SUGCT: variants seen among roughly 807,000 people sequenced by gnomAD.
SUGCT encodes succinyl-CoA:glutarate CoA-transferase.
In SUGCT, 41 loss-of-function variants were observed where a neutral mutation model predicts 55.0. The observed-to-expected ratio is 0.74, with a 90% CI of 0.58 to 0.97. The LOEUF (loss-of-function observed/expected upper bound fraction) is 0.97. Ranked by LOEUF, SUGCT falls within the 50% of genes least tolerant of loss-of-function variation. The probability of loss-of-function intolerance (pLI) is 0.00; values close to 1 mark genes in which losing one functional copy is unlikely to be tolerated. For synonymous variants in SUGCT, 187 were observed against 200.4 expected, an observed-to-expected ratio of 0.93 and a Z score of 0.56; for missense variants, 568 against 547.8, an observed-to-expected ratio of 1.04 and a Z score of -0.37.
At chr7:40,565,716 T>C (rs1425012780) in intron 12 of SUGCT, among the ~76,000 whole-genome samples, 3 of 152,130 alleles carry the variant, frequency 2.0e-5, no homozygotes, top group African/African-American at 7.2e-5. Context: ...TCTATCTCTA[T>C]CCAACCTTCT....
intron 1 of SUGCT, among the ~76,000 whole-genome samples, chr7:40,139,074 C>T (rs1338962505): frequency 4.0e-5 from 6 of 151,034 alleles, no homozygotes; most frequent in East Asian, 3.9e-4. Context: ...AGGAGTGAGC[C>T]GAGATTGCCC....
At chr7:40,338,565 C>T (rs994498403) in intron 9 of SUGCT, among the ~76,000 whole-genome samples, 1 of 152,184 alleles carries the variant, frequency 6.6e-6, no homozygotes, top group Non-Finnish European at 1.5e-5. Context: ...GTGCATTCAT[C>T]ACCTAGTTCT....
intron 9 of SUGCT, among the ~76,000 whole-genome samples, chr7:40,440,959 A>T (rs1430147558): frequency 6.9e-6 from 1 of 143,936 alleles, no homozygotes; most frequent in Non-Finnish European, 1.5e-5. Context: ...TGCTGTCTTT[A>T]AAAAAAAAAA....
chr7:40,817,817 T>C (rs987100054), intron 13 of SUGCT, among the ~76,000 whole-genome samples: 2 of 152,070 alleles, frequency 1.3e-5, no homozygotes, highest in Non-Finnish European at 2.9e-5. Flanking sequence ...ATAGCTTCAT[T>C]AGTAGAAGGA....
chr7:40,923,681 A>G, the SUGCT span, among the ~76,000 whole-genome samples: 2 of 152,310 alleles, frequency 1.3e-5, no homozygotes, highest in South Asian at 4.1e-4. Flanking sequence ...TCTCTAGTCC[A>G]TCAATATTGC....
chr7:41,002,030 G>C, the SUGCT span, among the ~76,000 whole-genome samples: 1 of 151,958 alleles, frequency 6.6e-6, no homozygotes, highest in African/African-American at 2.4e-5. Flanking sequence ...ACTTTTTTTT[G>C]TTTGTTTATT....
chr7:40,220,378 A>G (rs531725462), intron 6 of SUGCT, among the ~76,000 whole-genome samples: 2 of 152,378 alleles, frequency 1.3e-5, no homozygotes, highest in South Asian at 2.1e-4. Context: ...AATTAAAAAC[A>G]TAAACCTGGC....
chr7:40,138,779 A>T (rs1229416266), intron 1 of SUGCT, among the ~76,000 whole-genome samples: 1 of 152,132 alleles, frequency 6.6e-6, no homozygotes, highest in Non-Finnish European at 1.5e-5. Flanking sequence ...TAAAAATTTT[A>T]CTCATGGCAG....
chr7:40,784,196 T>G (rs1584436302), intron 13 of SUGCT, among the ~76,000 whole-genome samples: 2 of 152,140 alleles, frequency 1.3e-5, no homozygotes. Context: ...GCAGGTAGTT[T>G]GGAGCCATTT....
At chr7:40,979,343 A>C in the SUGCT span, 1 of 152,254 alleles carries the variant, frequency 6.6e-6, no homozygotes, top group Non-Finnish European at 1.5e-5. Context: ...GTTAATCTAA[A>C]GACCAGAAAT....
At chr7:40,400,948 C>T (rs987452294) in intron 9 of SUGCT, among the ~76,000 whole-genome samples, 3 of 152,086 alleles carry the variant, frequency 2.0e-5, no homozygotes, top group African/African-American at 4.8e-5. Context: ...CTTTCCAATC[C>T]GTATAATCAT....
chr7:40,430,574 A>T (rs1396042371), intron 9 of SUGCT, among the ~76,000 whole-genome samples: 1 of 152,060 alleles, frequency 6.6e-6, no homozygotes, highest in Non-Finnish European at 1.5e-5. Flanking sequence ...CTCTTATCAG[A>T]TATATGTTTT....
intron 12 of SUGCT, among the ~76,000 whole-genome samples, chr7:40,690,520 G>A (rs775237747): frequency 5.3e-5 from 8 of 151,710 alleles, no homozygotes; most frequent in Non-Finnish European, 1.2e-4. Context: ...AATTCTTGCT[G>A]TAAGTCATAT....
At chr7:40,264,185 C>T (rs1350079443) in intron 7 of SUGCT, among the ~76,000 whole-genome samples, 1 of 152,024 alleles carries the variant, frequency 6.6e-6, no homozygotes, top group Non-Finnish European at 1.5e-5. Flanking sequence ...TTTACCTTTA[C>T]TGATAAGAGG....
chr7:40,662,672 A>G (rs758607713), intron 12 of SUGCT, among the ~76,000 whole-genome samples: 5 of 152,160 alleles, frequency 3.3e-5, no homozygotes, highest in Non-Finnish European at 7.4e-5. Flanking sequence ...CATTTCATAT[A>G]CTGCCTCCTC....
intron 12 of SUGCT, among the ~76,000 whole-genome samples, chr7:40,561,578 C>A (rs1282768688): frequency 6.6e-6 from 1 of 151,962 alleles, no homozygotes; most frequent in East Asian, 1.9e-4. Flanking sequence ...ATTCAATAAC[C>A]CTACTTTGAG....
At chr7:40,627,032 T>C (rs1372606560) in intron 12 of SUGCT, among the ~76,000 whole-genome samples, 1 of 152,164 alleles carries the variant, frequency 6.6e-6, no homozygotes, top group Non-Finnish European at 1.5e-5. Context: ...ATTGCAAAGG[T>C]ATTGCAAAGT....
chr7:40,499,132 C>T (rs1433948496), intron 12 of SUGCT: 15 of 456,540 alleles, frequency 3.3e-5, no homozygotes, highest in Admixed American at 2.8e-4. Context: ...GGCCCACTCT[C>T]CATGTGCGCT....
intron 12 of SUGCT, among the ~76,000 whole-genome samples, chr7:40,742,370 G>A (rs1219784314): frequency 1.3e-5 from 2 of 152,116 alleles, no homozygotes. Flanking sequence ...TGGCACCAGG[G>A]CCAGTTTTGT....
Sources: gnomAD v4.1 joint callset for allele counts (sites outside exome capture counted in the v4.1 genomes callset) on GRCh38, gnomAD v4.1.1 for gene constraint, MANE v1.5 for transcripts, NCBI Gene and HGNC (gene_info 2026-07-23, HGNC 2026-07-21) for gene names.